Variants in PXDNL observed in about 807,000 individuals in gnomAD.
PXDNL encodes the protein probable oxidoreductase PXDNL.
Under a neutral mutation model 150.8 loss-of-function variants are expected in PXDNL, and 145 were observed. The ratio of observed to expected loss-of-function variants is 0.96; its 90% CI spans 0.84 to 1.10. PXDNL has a LOEUF of 1.10. Among genes scored for constraint, PXDNL ranks in the 50% least tolerant of loss-of-function variants. The pLI is 0.00. For missense variants in PXDNL, 2,087 were observed against 1,873.9 expected, an observed-to-expected ratio of 1.11 and a Z score of -2.10; for synonymous variants, 757 against 725.7, an observed-to-expected ratio of 1.04 and a Z score of -0.69.
chr8:51,646,578 G>A (rs1273983323), intron 2 of PXDNL, among the ~76,000 whole-genome samples: 3 of 152,160 alleles, frequency 2.0e-5, no homozygotes, highest in Admixed American at 2.0e-4. Context: ...CCTTTCAGTG[G>A]CGTGGTAGTG....
rs139827661 is a variant in PXDNL at position 51,386,293 on chromosome 8, A to G, written c.3558-11562T>C. 3.5e-4 allele frequency among the ~76,000 whole-genome samples: 53 copies of G among 152,110 alleles called. No individual in the cohort carries two copies. The East Asian group carries it at 1.0e-2, about 29-fold the overall frequency. ...TTTTTAGTAGAGATGGGGTTTCACC[A>G]TATCGGCCAGGCTGGTCTCGAACTC... On this transcript the variant is annotated intron_variant, in intron 17 of 22. Transcript: ENST00000356297.
In PXDNL at chr8:51,419,113, C is replaced by CATGAGGAAT. The variant is rs1222159243; in HGVS notation, c.1795+4453_1795+4461dup. Among the ~76,000 whole-genome samples, 4 of 152,126 alleles carry CATGAGGAAT rather than the reference C, an allele frequency of 2.6e-5. No individual in the cohort carries two copies. In the East Asian group the frequency reaches 7.7e-4, roughly 29 times the overall value. On this transcript the variant is annotated intron_variant, in intron 14 of 22. Coordinates refer to ENST00000356297, the MANE Select transcript of PXDNL (RefSeq NM_144651.5). ...GAATATGTTCAAAATCAGTTTTTAACATGAGGAATTGCAAGGACTGTGGGT... is the reference window on the plus strand; with the variant it reads ...GAATATGTTCAAAATCAGTTTTTAACATGAGGAATATGAGGAATTGCAAGGACTGTGGGT...
At chr8:51,474,195 C>G (rs1810420547) in intron 7 of PXDNL, among the ~76,000 whole-genome samples, 1 of 152,106 alleles carries the variant, frequency 6.6e-6, no homozygotes, top group Non-Finnish European at 1.5e-5. Context: ...GCTGTAATTA[C>G]AGCAGTCATG....
rs536598124 is a variant in PXDNL at position 51,398,001 on chromosome 8, G to A, written c.3557+10066C>T. On this transcript the variant is annotated intron_variant, in intron 17 of 22. Transcript: ENST00000356297. Reference sequence around the variant, plus strand: ...CAATTGCTCAGGAGCTAAAATTGTAGGGGAAAAATATAATTTAGAATGAAT... The same window carrying A: ...CAATTGCTCAGGAGCTAAAATTGTAAGGGAAAAATATAATTTAGAATGAAT... Among the ~76,000 whole-genome samples the A allele has an allele frequency of 4.4e-4, 67 of 152,140 alleles. 1 individual carries two copies. The highest frequency in any genetic ancestry group is 3.4e-3 in the Middle Eastern group (1 of 292).
chr8:51,623,688 C>T (rs1025285841), intron 2 of PXDNL, among the ~76,000 whole-genome samples: 42 of 152,336 alleles, frequency 2.8e-4, no homozygotes, highest in African/African-American at 9.9e-4. Context: ...CAGAGCGCAG[C>T]CCAGCTGTTG....
At chr8:51,699,421 G>A (rs1032816209) in intron 1 of PXDNL, among the ~76,000 whole-genome samples, 2 of 152,330 alleles carry the variant, frequency 1.3e-5, no homozygotes, top group Middle Eastern at 3.4e-3. Context: ...TGAAGAGAGA[G>A]GGTGTGGGCC....
At position 51,732,468 on chromosome 8, in the gene PXDNL, C is replaced by T. The variant is rs543697514; in HGVS notation, c.164+76713G>A. Among the ~76,000 whole-genome samples, 37 of 152,312 alleles carry T rather than the reference C, an allele frequency of 2.4e-4. No individual in the cohort carries two copies. In the South Asian group the frequency reaches 5.6e-3, roughly 23 times the overall value. ...GTTCCAAACTTTCCTACATCTTCCT[C>T]TCTTCTTCTGAGCCCCTCAAACTGT... On this transcript the variant is annotated intron_variant, in intron 1 of 22. Transcript: ENST00000356297.
intron 10 of PXDNL, among the ~76,000 whole-genome samples, chr8:51,451,177 ATAAT>A (rs1045208524): frequency 8.6e-5 from 13 of 151,712 alleles, no homozygotes; most frequent in Admixed American, 7.2e-4. Flanking sequence ...AACTTTAATA[ATAAT>A]TAAAGTTCAC....
intron 12 of PXDNL, among the ~76,000 whole-genome samples, chr8:51,433,831 T>A (rs1449509907): frequency 6.6e-6 from 1 of 152,156 alleles, no homozygotes; most frequent in African/African-American, 2.4e-5. Context: ...AACTTTAACT[T>A]CAATAAACAT....
intron 3 of PXDNL, among the ~76,000 whole-genome samples, chr8:51,572,890 A>C (rs893296114): frequency 1.3e-5 from 2 of 151,954 alleles, no homozygotes; most frequent in African/African-American, 4.8e-5. Context: ...TGGACATTAC[A>C]TATAAGACAA....
intron 4 of PXDNL, among the ~76,000 whole-genome samples, chr8:51,527,657 T>C (rs1563450797): frequency 6.6e-6 from 1 of 152,126 alleles, no homozygotes; most frequent in Non-Finnish European, 1.5e-5. Context: ...GCAGTAATGG[T>C]AGTGATTGCC....
chr8:51,787,685 T>C (rs1490856045), intron 1 of PXDNL, among the ~76,000 whole-genome samples: 1 of 152,218 alleles, frequency 6.6e-6, no homozygotes, highest in Admixed American at 6.5e-5. Flanking sequence ...GAAGATACTG[T>C]GAACACTTAA....
At chr8:51,483,604 A>T (rs1055943791) in intron 6 of PXDNL, 39 bp downstream of exon 6, 1 of 1,262,732 alleles carries the variant, frequency 7.9e-7, no homozygotes, top group African/African-American at 1.5e-5. Context: ...GGAGGAAATT[A>T]TAAAAGGTTT....
Position 51,409,322 on chromosome 8 carries a change from C to T in PXDNL, c.2302G>A (p.Gly768Ser), listed in dbSNP as rs1471318797. ...GGCTGGCGGGAGCCCACAGGAAGGCCGAGCCCGCGGGGCGCGCGGATGCCG... is the reference window on the plus strand; with the variant it reads ...GGCTGGCGGGAGCCCACAGGAAGGCTGAGCCCGCGGGGCGCGCGGATGCCG... ...RDGIRAPRGL[G>S]LPVGSRQPLP... is the part of the protein sequence containing the mutation. The change falls in exon 17 of 23, where the codon GGC becomes AGC. Residue 768 changes from glycine (G) to serine (S), a missense_variant. Coordinates refer to ENST00000356297, the MANE Select transcript of PXDNL (RefSeq NM_144651.5). 7.0e-7 allele frequency: 1 copy of T among 1,429,504 alleles called. No individual in the cohort carries two copies. The highest frequency in any genetic ancestry group is 9.1e-7 in the Non-Finnish European group (1 of 1,098,138). The allele number at this position is 1,429,504 out of a possible 1,614,324, so 88.6% of individuals were successfully genotyped here. A position where few individuals can be genotyped will look rare whatever the true frequency, so the allele number is the denominator to read the frequency against.
At chr8:51,567,139 ATACT>A (rs1457548812) in intron 3 of PXDNL, among the ~76,000 whole-genome samples, 28 of 151,758 alleles carry the variant, frequency 1.8e-4, no homozygotes, top group African/African-American at 6.8e-4. Flanking sequence ...GTTTGAGAAC[ATACT>A]TTGTATGCTT....
intron 19 of PXDNL, among the ~76,000 whole-genome samples, chr8:51,362,708 G>A (rs1215933836): frequency 6.6e-6 from 1 of 152,146 alleles, no homozygotes; most frequent in Admixed American, 6.5e-5. Flanking sequence ...GGAATTGCCT[G>A]GCTGGCAGTT....
chr8:51,740,558 A>G (rs1378027664), intron 1 of PXDNL, among the ~76,000 whole-genome samples: 1 of 152,116 alleles, frequency 6.6e-6, no homozygotes, highest in Non-Finnish European at 1.5e-5. Flanking sequence ...ATTGCGGTTT[A>G]GATTTGCATT....
At position 51,769,130 on chromosome 8, in the gene PXDNL, A is replaced by G. The variant is rs1003148529; in HGVS notation, c.164+40051T>C. On this transcript the variant is annotated intron_variant, in intron 1 of 22. Coordinates refer to ENST00000356297, the MANE Select transcript of PXDNL (RefSeq NM_144651.5). ...AAAGAATGTGCATCACTGACAGAGG[A>G]ATTGTGGAATGAACTGCACATTTTC... Among the ~76,000 whole-genome samples, 9 of 152,316 alleles carry G rather than the reference A, an allele frequency of 5.9e-5. No individual in the cohort carries two copies. In the South Asian group the frequency reaches 1.9e-3, roughly 32 times the overall value.
chr8:51,331,066 C>G (rs745584674), intron 21 of PXDNL, among the ~76,000 whole-genome samples: 3 of 152,150 alleles, frequency 2.0e-5, no homozygotes, highest in Non-Finnish European at 4.4e-5. Flanking sequence ...CAAGAACAAA[C>G]CAGCAATCCC....
Sources: gnomAD v4.1 joint callset for allele counts (sites outside exome capture counted in the v4.1 genomes callset) on GRCh38, gnomAD v4.1.1 for gene constraint, MANE v1.5 for transcripts, NCBI Gene and HGNC (gene_info 2026-07-23, HGNC 2026-07-21) for gene names.